The following DPYD variants were observed in gnomAD, a reference collection of about 807,000 sequenced individuals.
The protein encoded by DPYD is dihydropyrimidine dehydrogenase [NADP(+)].
In DPYD, 109 loss-of-function variants were observed where a neutral mutation model predicts 116.2. The observed-to-expected ratio is 0.94, with a 90% CI of 0.80 to 1.10. DPYD has a LOEUF of 1.10. Ranked by LOEUF, DPYD falls within the 50% of genes least tolerant of loss-of-function variation. The probability of loss-of-function intolerance (pLI) is 0.00; values close to 1 mark genes in which losing one functional copy is unlikely to be tolerated. For synonymous variants in DPYD, 440 were observed against 432.0 expected (o/e 1.02, Z -0.23); for missense variants, 1,302 against 1,254.5 (o/e 1.04, Z -0.57).
At chr1:97,818,524 A>T (rs1424625852) in intron 3 of DPYD, among the ~76,000 whole-genome samples, 1 of 152,016 alleles carries the variant, frequency 6.6e-6, no homozygotes, top group Non-Finnish European at 1.5e-5. Context: ...GTTAATAACA[A>T]ATCCATAAAT....
intron 18 of DPYD, among the ~76,000 whole-genome samples, chr1:97,253,076 T>G (rs1663214040): frequency 6.6e-6 from 1 of 152,142 alleles, no homozygotes; most frequent in Admixed American, 6.6e-5. Flanking sequence ...GAGAAACATA[T>G]TATGATTGCC....
intron 3 of DPYD, among the ~76,000 whole-genome samples, chr1:97,763,362 C>A (rs1208288424): frequency 6.6e-6 from 1 of 151,998 alleles, no homozygotes; most frequent in Non-Finnish European, 1.5e-5. Flanking sequence ...TACATGCAAC[C>A]AATGTTTTTT....
chr1:97,232,472 TA>T (rs754008161), intron 19 of DPYD, among the ~76,000 whole-genome samples: 3 of 152,282 alleles, frequency 2.0e-5, no homozygotes, highest in African/African-American at 4.8e-5. Context: ...TTTTAGCCAT[TA>T]TTTTTTTTCC....
intron 14 of DPYD, among the ~76,000 whole-genome samples, chr1:97,402,841 T>C (rs1466326513): frequency 1.3e-5 from 2 of 152,086 alleles, no homozygotes; most frequent in Non-Finnish European, 2.9e-5. Context: ...TTTTGTCAAA[T>C]GCTTTATCTG....
chr1:97,541,489 A>G (rs955556073), intron 12 of DPYD, among the ~76,000 whole-genome samples: 18 of 152,222 alleles, frequency 1.2e-4, no homozygotes, highest in Non-Finnish European at 2.4e-4. Flanking sequence ...GGTAGACAAT[A>G]TGTTATAGAT....
intron 18 of DPYD, among the ~76,000 whole-genome samples, chr1:97,248,952 T>C (rs1214214638): frequency 3.3e-5 from 5 of 152,134 alleles, no homozygotes; most frequent in Admixed American, 1.3e-4. Context: ...AAATTCATGA[T>C]ACTTCAGAAA....
At chr1:97,543,589 C>G (rs1049501043) in intron 12 of DPYD, among the ~76,000 whole-genome samples, 6 of 152,044 alleles carry the variant, frequency 3.9e-5, no homozygotes, top group Admixed American at 2.0e-4. Flanking sequence ...AAATATAAGA[C>G]AAAATGTCAT....
chr1:97,437,195 C>T (rs1675518641), intron 14 of DPYD, among the ~76,000 whole-genome samples: 1 of 151,646 alleles, frequency 6.6e-6, no homozygotes, highest in Middle Eastern at 3.2e-3. Flanking sequence ...CACTCATAAC[C>T]CCTCTGTCCA....
Position 97,785,317 on chromosome 1 carries a change from G to A in DPYD, c.233+42797C>T, listed in dbSNP as rs538189937. On this transcript the variant is annotated intron_variant, in intron 3 of 22. Transcript: ENST00000370192. ...GAAAGGTAAAAATCTATCTCCCTGA[G>A]ATACAACATGCACCACACAGATTTC... 2.0e-4 allele frequency among the ~76,000 whole-genome samples: 31 copies of A among 152,180 alleles called. No homozygotes were observed. In the South Asian group the frequency reaches 6.2e-3, roughly 31 times the overall value.
In DPYD at chr1:97,848,501, T is replaced by A. The variant is rs143013054; in HGVS notation, c.151-20305A>T. On this transcript the variant is annotated intron_variant, in intron 2 of 22. Transcript: ENST00000370192. ...TTTTAAGAGGATGTGAAAGTGTTAC[T>A]TTAGAGTATTCAGGAAGTTGGACTG... 9.5e-4 allele frequency among the ~76,000 whole-genome samples: 144 copies of A among 152,350 alleles called. No individual in the cohort carries two copies. The East Asian group carries it at 0.015, about 16-fold the overall frequency.
intron 18 of DPYD, among the ~76,000 whole-genome samples, chr1:97,288,577 T>C (rs1382007509): frequency 6.6e-6 from 1 of 151,724 alleles, no homozygotes; most frequent in East Asian, 1.9e-4. Context: ...AATCTGCTCC[T>C]GAATGACTAC....
intron 15 of DPYD, 68 bp downstream of exon 15, chr1:97,382,325 T>A (rs1048878471): frequency 1.1e-6 from 1 of 901,148 alleles, no homozygotes; most frequent in Non-Finnish European, 1.7e-6. Context: ...TCATGGCAGC[T>A]CTTTATTTAA....
intron 4 of DPYD, among the ~76,000 whole-genome samples, chr1:97,727,487 GA>G (rs1476137856): frequency 2.0e-5 from 3 of 151,604 alleles, no homozygotes; most frequent in Non-Finnish European, 4.4e-5. Context: ...AACTAACTAA[GA>G]AAAATATTGA....
intron 3 of DPYD, among the ~76,000 whole-genome samples, chr1:97,741,162 A>T (rs1664250601): frequency 6.6e-6 from 1 of 152,128 alleles, no homozygotes; most frequent in South Asian, 2.1e-4. Flanking sequence ...CATACAATTC[A>T]AGGTCAGTGA....
chr1:97,377,936 G>A (rs555046088), intron 15 of DPYD, among the ~76,000 whole-genome samples: 1 of 152,336 alleles, frequency 6.6e-6, no homozygotes, highest in Admixed American at 6.5e-5. Context: ...GTCTGGCAAA[G>A]GACATCAGAG....
intron 14 of DPYD, among the ~76,000 whole-genome samples, chr1:97,383,665 T>G (rs1027625066): frequency 6.6e-6 from 1 of 151,990 alleles, no homozygotes; most frequent in Non-Finnish European, 1.5e-5. Context: ...CACCTGACAG[T>G]CATATAGCTG....
chr1:97,421,450 A>AAAC (rs57035979), intron 14 of DPYD, among the ~76,000 whole-genome samples: 38,788 of 151,628 alleles, frequency 0.26, 5,103 homozygotes, highest in African/African-American at 0.3. Context: ...AAACAAAACA[A>AAAC]AACAACAACA....
At chr1:97,366,256 C>T (rs971917219) in intron 16 of DPYD, among the ~76,000 whole-genome samples, 1 of 152,024 alleles carries the variant, frequency 6.6e-6, no homozygotes, top group Admixed American at 6.6e-5. Flanking sequence ...AGTTGGGCAA[C>T]ATAATATAGT....
intron 20 of DPYD, among the ~76,000 whole-genome samples, chr1:97,108,418 G>T (rs1232591731): frequency 1.3e-5 from 2 of 152,104 alleles, no homozygotes; most frequent in Non-Finnish European, 1.5e-5. Flanking sequence ...TTTATGCCTA[G>T]GTGGCATCAC....
Sources: allele counts gnomAD v4.1 joint callset (sites outside exome capture counted in the v4.1 genomes callset), GRCh38; gene constraint gnomAD v4.1.1; transcripts MANE v1.5; gene names NCBI Gene and HGNC (gene_info 2026-07-23, HGNC 2026-07-21).